The following TOM1L2 variants were observed in gnomAD, a reference collection of about 807,000 sequenced individuals.
TOM1L2 encodes target of myb1 like 2 membrane trafficking protein.
A neutral mutation model predicts 67.9 loss-of-function variants in TOM1L2; 31 were observed. The ratio of observed to expected loss-of-function variants is 0.46; its 90% CI spans 0.34 to 0.62. The LOEUF is 0.62. Ranked by LOEUF, TOM1L2 falls within the 20% of genes least tolerant of loss-of-function variation. TOM1L2 has a pLI of 0.01. For missense variants in TOM1L2, 606 were observed against 663.5 expected (o/e 0.91, Z 0.95); for synonymous variants, 256 against 254.0 (o/e 1.01, Z -0.07).
rs1377848620 is a variant in TOM1L2, at chr17:17,847,137, GGAGT to G, written c.*494_*497del. On this transcript the variant is annotated 3_prime_UTR_variant, in exon 15 of 15. Coordinates refer to ENST00000379504, the MANE Select transcript of TOM1L2 (RefSeq NM_001082968.2). Reference sequence around the variant, plus strand: ...AAATGTCACAAGGTGACAAGTCCAAGGAGTGAGACCAGGCCCATGAGTGCAGCAC... The same window carrying G: ...AAATGTCACAAGGTGACAAGTCCAAGGAGACCAGGCCCATGAGTGCAGCAC... 1.2e-5 allele frequency: 2 copies of G among 161,606 alleles called. No homozygotes were observed. The highest frequency in any genetic ancestry group is 2.7e-5 in the Non-Finnish European group (2 of 72,984). 10.0% of individuals were successfully genotyped at this position (161,606 alleles called of 1,614,324 possible). A position where few individuals can be genotyped will look rare whatever the true frequency, so the allele number is the denominator to read the frequency against.
At chr17:17,865,176 G>A (rs1226298611) in intron 10 of TOM1L2, among the ~76,000 whole-genome samples, 2 of 152,156 alleles carry the variant, frequency 1.3e-5, no homozygotes, top group Non-Finnish European at 2.9e-5. Flanking sequence ...TTAAGTTCCA[G>A]ACAATGGACT....
chr17:17,896,309 G>A (rs1246309057), intron 3 of TOM1L2, among the ~76,000 whole-genome samples: 1 of 152,126 alleles, frequency 6.6e-6, no homozygotes, highest in African/African-American at 2.4e-5. Context: ...AGAAGCAGGT[G>A]GGAAAGGTGA....
chr17:17,943,276 T>TA (rs1314995702), intron 1 of TOM1L2, among the ~76,000 whole-genome samples: 1 of 152,188 alleles, frequency 6.6e-6, no homozygotes, highest in Admixed American at 6.5e-5. Context: ...ACAGTCACTT[T>TA]AAAAAACCCT....
intron 1 of TOM1L2, among the ~76,000 whole-genome samples, chr17:17,964,015 A>C (rs1166875142): frequency 6.6e-6 from 1 of 152,226 alleles, no homozygotes; most frequent in Non-Finnish European, 1.5e-5. Context: ...CTCAGAGAAG[A>C]GATTCATCAC....
intron 7 of TOM1L2, among the ~76,000 whole-genome samples, chr17:17,877,793 C>T (rs1411450393): frequency 6.6e-6 from 1 of 151,718 alleles, no homozygotes; most frequent in Non-Finnish European, 1.5e-5. Flanking sequence ...GGAAGGAAAA[C>T]GTCATGGGAA....
At chr17:17,912,859 AGCCGAGATCAT>A (rs2039452357) in intron 1 of TOM1L2, among the ~76,000 whole-genome samples, 1 of 152,082 alleles carries the variant, frequency 6.6e-6, no homozygotes, top group African/African-American at 2.4e-5. Context: ...GGTTGTAGCG[AGCCGAGATCAT>A]GCCACTGCAC....
chr17:17,933,100 G>A (rs2040398072), intron 1 of TOM1L2, among the ~76,000 whole-genome samples: 1 of 152,102 alleles, frequency 6.6e-6, no homozygotes, highest in African/African-American at 2.4e-5. Flanking sequence ...GAGCTGGAGT[G>A]GATTTATGGA....
At chr17:17,861,358 A>G in intron 12 of TOM1L2, 118 bp downstream of exon 12, 1 of 930,626 alleles carries the variant, frequency 1.1e-6, no homozygotes, top group Non-Finnish European at 1.7e-6. Context: ...TCTCTCCCCC[A>G]GGGTGTCCCT....
intron 1 of TOM1L2, among the ~76,000 whole-genome samples, chr17:17,932,410 A>G (rs1179809134): frequency 6.6e-6 from 1 of 152,266 alleles, no homozygotes; most frequent in African/African-American, 2.4e-5. Context: ...GATTACAGGT[A>G]TGAGTTACCG....
At chr17:17,854,923 G>A (rs1436662507) in intron 12 of TOM1L2, among the ~76,000 whole-genome samples, 1 of 152,200 alleles carries the variant, frequency 6.6e-6, no homozygotes, top group African/African-American at 2.4e-5. Flanking sequence ...AGTTGGAAGA[G>A]AGGGACAGAA....
intron 1 of TOM1L2, among the ~76,000 whole-genome samples, chr17:17,960,311 C>T (rs978943092): frequency 5.3e-5 from 8 of 152,178 alleles, no homozygotes; most frequent in Non-Finnish European, 1.0e-4. Flanking sequence ...CACTGATAAT[C>T]CACAGACCTT....
intron 10 of TOM1L2, 92 bp from the exon 11 acceptor site, chr17:17,862,940 G>T: frequency 3.0e-6 from 2 of 668,826 alleles, no homozygotes; most frequent in Non-Finnish European, 5.1e-6. Context: ...CCAGCCAGGT[G>T]GGTTTAGGTT....
At chr17:17,926,516 A>G (rs1295283542) in intron 1 of TOM1L2, among the ~76,000 whole-genome samples, 1 of 152,172 alleles carries the variant, frequency 6.6e-6, no homozygotes, top group Non-Finnish European at 1.5e-5. Flanking sequence ...ATCAACATAG[A>G]AAGGTCACGA....
rs1302526761 is a variant in TOM1L2 at position 17,845,129 on chromosome 17, T to C, written c.*2506A>G. 3 of 152,392 alleles carry C rather than the reference T, an allele frequency of 2.0e-5. No homozygotes were observed. In the East Asian group the frequency reaches 5.8e-4, roughly 29 times the overall value. The allele number at this position is 152,392 out of a possible 1,614,324, so 9.4% of individuals were successfully genotyped here. A position where few individuals can be genotyped will look rare whatever the true frequency, so the allele number is the denominator to read the frequency against. ...GGGCACCGGGGCTATACTTGCTTCC[T>C]GTGCAGGCCTCAAGCAAGAGCCCCC... On this transcript the variant is annotated 3_prime_UTR_variant, in exon 15 of 15. Coordinates refer to ENST00000379504, the MANE Select transcript of TOM1L2 (RefSeq NM_001082968.2).
rs778194590 is a variant in TOM1L2 at position 17,847,646 on chromosome 17, A to C, written c.1513T>G (p.Phe505Val). 2.5e-6 allele frequency: 4 copies of C among 1,611,782 alleles called. No homozygotes were observed. In the South Asian group the frequency reaches 3.3e-5, roughly 13 times the overall value. ...KKPERSEDAL[F>V]AL is the part of the protein sequence containing the mutation. ...AACCACAGAGCTGCTCACAGGGCGA[A>C]GAGGGCATCCTCTGACCGCTCTGGC... Residue 505 changes from phenylalanine (F) to valine (V), a missense_variant, in exon 15 of 15, where the codon TTC (phenylalanine) becomes GTC (valine). By Grantham distance (50) the Phe-to-Val change is conservative. Transcript: ENST00000379504.
At chr17:17,926,444 G>A (rs936259788) in intron 1 of TOM1L2, among the ~76,000 whole-genome samples, 2 of 152,102 alleles carry the variant, frequency 1.3e-5, no homozygotes, top group Non-Finnish European at 2.9e-5. Flanking sequence ...ATGTACACGT[G>A]TTTCACATTC....
chr17:17,946,119 C>T (rs2144841063), intron 1 of TOM1L2, among the ~76,000 whole-genome samples: 1 of 152,248 alleles, frequency 6.6e-6, no homozygotes, highest in African/African-American at 2.4e-5. Context: ...CTCCAGCAAT[C>T]TGCCTGCCTC....
rs753148964 is a variant in TOM1L2 at position 17,850,950 on chromosome 17, G to A, written c.1281C>T (p.Ile427=). Residue 427 remains isoleucine (I), a splice_region_variant and synonymous_variant, in exon 13 of 15, where the codon ATC becomes ATT. Transcript: ENST00000379504. Reference sequence around the variant, plus strand: ...CCATGACAGATGGCTGCGCAACGGGGATCTATGGAGGCGGCAAGCAGCGGG... The same window carrying A: ...CCATGACAGATGGCTGCGCAACGGGAATCTATGGAGGCGGCAAGCAGCGGG... ...LDNRKQSSEG[I]PVAQPSVMDD... is the part of the protein sequence containing the mutation. 2.2e-5 allele frequency: 35 copies of A among 1,613,718 alleles called. No individual in the cohort carries two copies. The South Asian group carries it at 3.5e-4, about 16-fold the overall frequency.
In TOM1L2 at chr17:17,952,376, C is replaced by CTTTTTTTTTTTT. The variant is rs60388742; in HGVS notation, c.52+19874_52+19885dup. On this transcript the variant is annotated intron_variant, in intron 1 of 14. Transcript: ENST00000379504. ...TATACAGTAAGTGCTTCTTTATTTT[C>CTTTTTTTTTTTT]TTTTTTTTTTTTTTTTTTTTTTTTT... Among the ~76,000 whole-genome samples, 190 of 79,878 alleles carry CTTTTTTTTTTTT rather than the reference C, an allele frequency of 2.4e-3. 4 individuals are homozygous for CTTTTTTTTTTTT. The highest frequency in any genetic ancestry group is 3.2e-3 in the Non-Finnish European group (119 of 37,690). The allele number at this position is 79,878 out of a possible 152,430, so 52.4% of individuals were successfully genotyped here.
Sources: allele counts gnomAD v4.1 joint callset (sites outside exome capture counted in the v4.1 genomes callset), GRCh38; gene constraint gnomAD v4.1.1; transcripts MANE v1.5; gene names NCBI Gene and HGNC (gene_info 2026-07-23, HGNC 2026-07-21).